The following CFAP58 variants were observed in gnomAD, a reference collection of about 807,000 sequenced individuals.
The protein encoded by CFAP58 is cilia- and flagella-associated protein 58.
CFAP58 carries 88 observed loss-of-function variants against 119.5 expected under a neutral mutation model. That is an observed-to-expected ratio of 0.74 (90% CI 0.62 to 0.88). CFAP58 has a LOEUF of 0.88. CFAP58 is among the 40% of genes least tolerant of loss of function. CFAP58 has a pLI of 0.00. For missense variants in CFAP58, 990 were observed against 1,021.2 expected, an observed-to-expected ratio of 0.97 and a Z score of 0.42; for synonymous variants, 365 against 366.3, an observed-to-expected ratio of 1.00 and a Z score of 0.04.
chr10:104,344,460 T>G, the CFAP58 span, among the ~76,000 whole-genome samples: 53 of 152,250 alleles, frequency 3.5e-4, no homozygotes, highest in African/African-American at 1.3e-3. Flanking sequence ...CATTTATGTG[T>G]GGTCTATGGC....
chr10:104,438,361 GTTTTTTTTTTTTGTT>G (rs1462880617), intron 15 of CFAP58, among the ~76,000 whole-genome samples: 7 of 59,328 alleles, frequency 1.2e-4, no homozygotes, highest in African/African-American at 4.4e-4. Flanking sequence ...TTTTTTTTTT[GTTTTTTTTTTTTGTT>G]TTTTTTTTTT....
At chr10:104,438,738 T>G (rs532025366) in intron 15 of CFAP58, among the ~76,000 whole-genome samples, 2 of 152,226 alleles carry the variant, frequency 1.3e-5, no homozygotes, top group Non-Finnish European at 2.9e-5. Flanking sequence ...AAAAGTTGAA[T>G]GTTCATATAG....
intron 11 of CFAP58, 32 bp from the exon 12 acceptor site, chr10:104,399,328 G>A (rs1411884241): frequency 6.2e-7 from 1 of 1,610,140 alleles, no homozygotes; most frequent in East Asian, 2.2e-5. Context: ...GTAACGAATT[G>A]AAATTTGCCT....
intron 17 of CFAP58, among the ~76,000 whole-genome samples, chr10:104,453,230 G>T (rs528002104): frequency 3.3e-5 from 5 of 152,242 alleles, no homozygotes; most frequent in East Asian, 3.9e-4. Context: ...GTACAAGAAA[G>T]AATTTGTTTT....
At chr10:104,376,076 A>G (rs1451326057) in intron 7 of CFAP58, among the ~76,000 whole-genome samples, 2 of 152,242 alleles carry the variant, frequency 1.3e-5, no homozygotes, top group Non-Finnish European at 2.9e-5. Flanking sequence ...GATTCTTTAT[A>G]GAATGTGGAT....
chr10:104,406,261 T>C (rs1201020834), intron 14 of CFAP58, among the ~76,000 whole-genome samples: 1 of 152,212 alleles, frequency 6.6e-6, no homozygotes, highest in Non-Finnish European at 1.5e-5. Flanking sequence ...TTAGTTTCTC[T>C]CAGCCTCAGT....
At chr10:104,363,954 A>G (rs944425005) in intron 3 of CFAP58, among the ~76,000 whole-genome samples, 1 of 152,236 alleles carries the variant, frequency 6.6e-6, no homozygotes, top group Non-Finnish European at 1.5e-5. Flanking sequence ...CTAATTCTGC[A>G]GGAAGTCATG....
chr10:104,434,351 T>A (rs899919561), intron 15 of CFAP58, among the ~76,000 whole-genome samples: 1 of 152,154 alleles, frequency 6.6e-6, no homozygotes, highest in Non-Finnish European at 1.5e-5. Flanking sequence ...CTCAGTGGCA[T>A]GTTGTTGAGA....
At position 104,454,626 on chromosome 10, in the gene CFAP58, T is replaced by A. The variant is rs2013251734; in HGVS notation, c.*96T>A. On this transcript the variant is annotated 3_prime_UTR_variant, in exon 18 of 18. Transcript: ENST00000369704. ...AAAGTCCTTGGATCATAGAACTGAG[T>A]GCTGAGAATCCAGGATGGAAAGAAA... The A allele has an allele frequency of 1.2e-6, 1 of 850,108 alleles. No individual in the cohort carries two copies. The highest frequency in any genetic ancestry group is 1.4e-5 in the South Asian group (1 of 69,894). 52.7% of individuals were successfully genotyped at this position (850,108 alleles called of 1,614,324 possible). A position where few individuals can be genotyped will look rare whatever the true frequency, so the allele number is the denominator to read the frequency against.
rs769410990 is a variant in CFAP58 at position 104,353,928 on chromosome 10, G to T, written c.9+22G>T. The T allele has an allele frequency of 3.7e-6, 6 of 1,613,042 alleles. No individual in the cohort carries two copies. The African/African-American group carries it at 8.0e-5, about 22-fold the overall frequency. On this transcript the variant is annotated intron_variant, in intron 1 of 17. Coordinates refer to ENST00000369704, the MANE Select transcript of CFAP58 (RefSeq NM_001008723.2). ...TGAGGTCAGGAGTCAGCGCCCCTCT[G>T]TCGCCTTTCCCTTGACCCCTCCCCA...
intron 15 of CFAP58, among the ~76,000 whole-genome samples, chr10:104,426,398 C>T (rs184503640): frequency 0.01 from 1,463 of 144,040 alleles, 8 homozygotes; most frequent in Admixed American, 0.016. Context: ...GGACCATTCA[C>T]CATACCACAC....
intron 9 of CFAP58, among the ~76,000 whole-genome samples, chr10:104,387,200 G>A (rs2011942200): frequency 6.6e-6 from 1 of 152,108 alleles, no homozygotes; most frequent in Admixed American, 6.5e-5. Flanking sequence ...ATCTCCGTGG[G>A]ATACAAAAAC....
chr10:104,351,225 A>G (rs2014455734), upstream of CFAP58, among the ~76,000 whole-genome samples: 3 of 152,194 alleles, frequency 2.0e-5, no homozygotes, highest in Non-Finnish European at 4.4e-5. Context: ...CATGCACATT[A>G]TGACTCAGCC....
chr10:104,382,142 T>C (rs1036391485), intron 9 of CFAP58: 2 of 717,344 alleles, frequency 2.8e-6, no homozygotes, highest in African/African-American at 1.7e-5. Context: ...TCTGTCAGGA[T>C]GCCCTGGCCT....
chr10:104,398,971 A>C (rs1157904546), intron 11 of CFAP58, among the ~76,000 whole-genome samples: 2 of 152,164 alleles, frequency 1.3e-5, no homozygotes, highest in African/African-American at 2.4e-5. Flanking sequence ...TGGTACACAC[A>C]GAGGCCTCCC....
At position 104,392,483 on chromosome 10, in the gene CFAP58, A is replaced by G. The variant is rs2012067180; in HGVS notation, c.1527+89A>G. On this transcript the variant is annotated intron_variant, in intron 10 of 17. Transcript: ENST00000369704. ...TGTTATCCTAATGGCAGAATTTAGA[A>G]TAGATTAAAAAAAAAACTCATGGAA... 25 of 916,518 alleles carry G rather than the reference A, an allele frequency of 2.7e-5. No individual in the cohort carries two copies. In the South Asian group the frequency reaches 5.4e-4, roughly 20 times the overall value. 56.8% of individuals were successfully genotyped at this position (916,518 alleles called of 1,614,324 possible).
rs57210958 is a variant in CFAP58 at position 104,396,369 on chromosome 10, T to TGAGAGAGAGAGAGAGAGA, written c.1675-2938_1675-2921dup. 1.1e-3 allele frequency among the ~76,000 whole-genome samples: 95 copies of TGAGAGAGAGAGAGAGAGA among 86,880 alleles called. 1 individual carries two copies. Among genetic ancestry groups the TGAGAGAGAGAGAGAGAGA allele is most frequent in the Admixed American group, 1.9e-3 (13 of 6,692 alleles). 57.0% of individuals were successfully genotyped at this position (86,880 alleles called of 152,430 possible). A position where few individuals can be genotyped will look rare whatever the true frequency, so the allele number is the denominator to read the frequency against. Reference sequence around the variant, plus strand: ...GCCATGGATAGGGAGCTGTTATCCATGAGAGAGAGAGAGAGAGAGAGAGAG... The same window carrying TGAGAGAGAGAGAGAGAGA: ...GCCATGGATAGGGAGCTGTTATCCATGAGAGAGAGAGAGAGAGAGAGAGAGAGAGAGAGAGAGAGAGAG... On this transcript the variant is annotated intron_variant, in intron 11 of 17. Transcript: ENST00000369704.
At chr10:104,351,780 AAT>A (rs2014462056), upstream of CFAP58, 1 of 152,188 alleles carries the variant, frequency 6.6e-6, no homozygotes, top group African/African-American at 2.4e-5. Context: ...AGGTCTAAAT[AAT>A]ACCAAAAAAC....
At chr10:104,415,012 A>G (rs2012526475) in intron 15 of CFAP58, among the ~76,000 whole-genome samples, 1 of 152,210 alleles carries the variant, frequency 6.6e-6, no homozygotes, top group Non-Finnish European at 1.5e-5. Context: ...TGCCCACCGC[A>G]GTCACTGAGC....
Sources: allele counts gnomAD v4.1 joint callset (sites outside exome capture counted in the v4.1 genomes callset), GRCh38; gene constraint gnomAD v4.1.1; transcripts MANE v1.5; gene names NCBI Gene and HGNC (gene_info 2026-07-23, HGNC 2026-07-21).